Variants in HIPK3 observed in about 807,000 individuals in gnomAD.
HIPK3 encodes the protein homeodomain-interacting protein kinase 3.
Under a neutral mutation model 124.2 loss-of-function variants are expected in HIPK3, and 47 were observed. The observed-to-expected ratio is 0.38, with a 90% CI of 0.30 to 0.48. The LOEUF is 0.48. Ranked by LOEUF, HIPK3 falls within the 20% of genes least tolerant of loss-of-function variation. The pLI, the probability that HIPK3 is intolerant of heterozygous loss-of-function variation, is 0.98. For synonymous variants in HIPK3, 482 were observed against 515.2 expected, an observed-to-expected ratio of 0.94 and a Z score of 0.87; for missense variants, 1,286 against 1,454.3, an observed-to-expected ratio of 0.88 and a Z score of 1.88.
In HIPK3 at chr11:33,261,780, T is replaced by C. The variant is rs565502216; in HGVS notation, c.-3+3891T>C. Among the ~76,000 whole-genome samples the C allele has an allele frequency of 3.6e-4, 55 of 152,230 alleles. 1 individual carries two copies. The highest frequency in any genetic ancestry group is 6.8e-4 in the Non-Finnish European group (46 of 68,040). On this transcript the variant is annotated intron_variant, in intron 1 of 16. Coordinates refer to ENST00000303296, the MANE Select transcript of HIPK3 (RefSeq NM_005734.5). ...CAATGGTAGTTCTGTTTTTAGCTCTTTGAGGAGTCACCACACTGCTTTCCA... is the reference window on the plus strand; with the variant it reads ...CAATGGTAGTTCTGTTTTTAGCTCTCTGAGGAGTCACCACACTGCTTTCCA...
intron 2 of HIPK3, among the ~76,000 whole-genome samples, chr11:33,314,480 C>G (rs766347781): frequency 5.3e-5 from 8 of 152,036 alleles, no homozygotes; most frequent in Non-Finnish European, 8.8e-5. Flanking sequence ...TGGTAAAAAC[C>G]CGTCTCTACT....
chr11:33,295,232 C>T (rs986336619), intron 2 of HIPK3, among the ~76,000 whole-genome samples: 2 of 152,108 alleles, frequency 1.3e-5, no homozygotes, highest in East Asian at 3.9e-4. Flanking sequence ...GAAGCTTCCT[C>T]CCGATTTGGC....
intron 1 of HIPK3, among the ~76,000 whole-genome samples, chr11:33,272,643 TC>T (rs1243434362): frequency 6.6e-6 from 1 of 151,876 alleles, no homozygotes; most frequent in Non-Finnish European, 1.5e-5. Context: ...TTTTTTCCTT[TC>T]CCTTCCCTTC....
chr11:33,299,219 A>C (rs1186999130), intron 2 of HIPK3, among the ~76,000 whole-genome samples: 3 of 151,592 alleles, frequency 2.0e-5, no homozygotes, highest in Non-Finnish European at 4.4e-5. Context: ...CACGCCTGTA[A>C]TCCTAGCACT....
intron 2 of HIPK3, among the ~76,000 whole-genome samples, chr11:33,314,986 A>C (rs1417534469): frequency 6.6e-6 from 1 of 152,196 alleles, no homozygotes; most frequent in African/African-American, 2.4e-5. Flanking sequence ...ATATTCGAAA[A>C]GATTGTAAAA....
chr11:33,327,334 C>T (rs1203696137), intron 2 of HIPK3, among the ~76,000 whole-genome samples: 2 of 151,976 alleles, frequency 1.3e-5, no homozygotes, highest in African/African-American at 4.8e-5. Flanking sequence ...TCAGACAAAC[C>T]CACACTGAGG....
chr11:33,265,381 G>A (rs1850925876), intron 1 of HIPK3, among the ~76,000 whole-genome samples: 1 of 152,172 alleles, frequency 6.6e-6, no homozygotes, highest in South Asian at 2.1e-4. Context: ...ATTGTTTAAT[G>A]TGCTTTAAAT....
chr11:33,356,801 A>T lies in HIPK3; in HGVS notation c.*3233A>T, dbSNP rs189463875. 1 of 152,234 alleles carries T rather than the reference A, an allele frequency of 6.6e-6. No homozygotes were observed. The highest frequency in any genetic ancestry group is 1.9e-4 in the East Asian group (1 of 5,196). 9.4% of individuals were successfully genotyped at this position (152,234 alleles called of 1,614,324 possible). On this transcript the variant is annotated 3_prime_UTR_variant, in exon 17 of 17. Transcript: ENST00000303296. ...TTGCCATGTAGCAATTGCACTGTGC[A>T]ATATTACAATAAGGACTGGGAAAAT...
intron 2 of HIPK3, among the ~76,000 whole-genome samples, chr11:33,287,961 T>TG (rs1407400702): frequency 2.0e-5 from 3 of 152,186 alleles, no homozygotes; most frequent in Non-Finnish European, 4.4e-5. Context: ...CTGAAACTTT[T>TG]GGGGCCAGAA....
At chr11:33,314,327 G>A (rs187100448) in intron 2 of HIPK3, among the ~76,000 whole-genome samples, 1 of 152,182 alleles carries the variant, frequency 6.6e-6, no homozygotes, top group Non-Finnish European at 1.5e-5. Context: ...TTAGGATTAA[G>A]TGAGATAATG....
chr11:33,258,607 T>G (rs1850738743), intron 1 of HIPK3: 1 of 985,344 alleles, frequency 1.0e-6, no homozygotes, highest in Admixed American at 6.1e-5. Flanking sequence ...CCGCTTCCCT[T>G]CGCCGCACTG....
At chr11:33,339,299 A>G (rs371398763) in intron 5 of HIPK3, 51 bp from the exon 6 acceptor site, 63 of 1,398,090 alleles carry the variant, frequency 4.5e-5, no homozygotes, top group Non-Finnish European at 6.0e-5. Flanking sequence ...AATTTATACT[A>G]CTCTCTGTGA....
intron 2 of HIPK3, among the ~76,000 whole-genome samples, chr11:33,302,342 C>CTTTTTTTTTTTTTTTTTT (rs58735030): frequency 1.2e-4 from 16 of 135,724 alleles, no homozygotes; most frequent in Non-Finnish European, 2.2e-4. Flanking sequence ...TTCCTTACTT[C>CTTTTTTTTTTTTTTTTTT]TTTTTTTTTT....
At chr11:33,303,322 G>A (rs1199130721) in intron 2 of HIPK3, among the ~76,000 whole-genome samples, 1 of 152,096 alleles carries the variant, frequency 6.6e-6, no homozygotes, top group African/African-American at 2.4e-5. Context: ...ATATTTACAA[G>A]GAAAAAAAGT....
At position 33,286,741 on chromosome 11, in the gene HIPK3, T is replaced by C. The variant is rs951113658; in HGVS notation, c.327T>C (p.Ile109=). The C allele has an allele frequency of 1.2e-6, 2 of 1,614,076 alleles. No individual in the cohort carries two copies. The highest frequency in any genetic ancestry group is 1.3e-5 in the African/African-American group (1 of 75,046). Reference sequence around the variant, plus strand: ...AAGCTCACGTGCAGGCACCTCAGATTGGGGCGTGGCGAAACAGATTGCATT... The same window carrying C: ...AAGCTCACGTGCAGGCACCTCAGATCGGGGCGTGGCGAAACAGATTGCATT... ...AQQAHVQAPQ[I]GAWRNRLHFL... Residue 109 remains isoleucine, a synonymous_variant, in exon 2 of 17, where the codon ATT becomes ATC. Transcript: ENST00000303296.
At chr11:33,341,537 T>C (rs1266384715) in intron 7 of HIPK3, 26 bp from the exon 8 acceptor site, 2 of 1,586,028 alleles carry the variant, frequency 1.3e-6, no homozygotes, top group South Asian at 1.2e-5. Context: ...AGAAGACTGC[T>C]CTATATAATG....
chr11:33,290,213 C>T (rs1024558107), intron 2 of HIPK3, among the ~76,000 whole-genome samples: 1 of 152,054 alleles, frequency 6.6e-6, no homozygotes, highest in African/African-American at 2.4e-5. Flanking sequence ...TGCTAGATAC[C>T]ATTAAAACTT....
chr11:33,334,095 G>A (rs781109470), intron 3 of HIPK3, among the ~76,000 whole-genome samples: 49 of 152,106 alleles, frequency 3.2e-4, no homozygotes, highest in Non-Finnish European at 1.5e-4. Context: ...GGAAGTTTTC[G>A]TTGTCATTTT....
chr11:33,326,930 G>A (rs1364641244), intron 2 of HIPK3, among the ~76,000 whole-genome samples: 1 of 151,988 alleles, frequency 6.6e-6, no homozygotes, highest in African/African-American at 2.4e-5. Flanking sequence ...ATCCTACCAT[G>A]TTGGCCTCCC....
Sources: allele counts gnomAD v4.1 joint callset (sites outside exome capture counted in the v4.1 genomes callset), GRCh38; gene constraint gnomAD v4.1.1; transcripts MANE v1.5; gene names NCBI Gene and HGNC (gene_info 2026-07-23, HGNC 2026-07-21).